SEMA5A: variants seen among roughly 807,000 people sequenced by gnomAD.
The protein encoded by SEMA5A is semaphorin-5A.
A neutral mutation model predicts 135.5 loss-of-function variants in SEMA5A; 55 were observed. That is an observed-to-expected ratio of 0.41 (90% confidence interval 0.33 to 0.51). The LOEUF (loss-of-function observed/expected upper bound fraction) is 0.51, where lower values mean the gene tolerates loss of function less well. Among genes scored for constraint, SEMA5A ranks in the 20% least tolerant of loss-of-function variants. SEMA5A has a pLI of 0.37. For synonymous variants in SEMA5A, 580 were observed against 546.5 expected (o/e 1.06, Z -0.85); for missense variants, 1,290 against 1,419.9 (o/e 0.91, Z 1.47).
intron 2 of SEMA5A, among the ~76,000 whole-genome samples, chr5:9,412,758 C>T (rs1020107201): frequency 2.6e-5 from 4 of 151,998 alleles, no homozygotes; most frequent in South Asian, 4.1e-4. Flanking sequence ...ATGCATGAAA[C>T]AATGTTTTGA....
chr5:9,229,076 C>T (rs1432462953), intron 6 of SEMA5A, among the ~76,000 whole-genome samples: 4 of 152,214 alleles, frequency 2.6e-5, no homozygotes, highest in Non-Finnish European at 5.9e-5. Context: ...CAGGTGCGAG[C>T]ACCACTCCTG....
intron 16 of SEMA5A, among the ~76,000 whole-genome samples, chr5:9,102,118 T>C (rs1739664049): frequency 6.6e-6 from 1 of 152,114 alleles, no homozygotes. Flanking sequence ...AAACACCAAA[T>C]ATGAATACAA....
At chr5:9,507,833 T>C (rs979765040) in intron 1 of SEMA5A, among the ~76,000 whole-genome samples, 2 of 151,844 alleles carry the variant, frequency 1.3e-5, no homozygotes, top group African/African-American at 4.8e-5. Context: ...TGAAACCCCG[T>C]CTCTTCTAAA....
intron 1 of SEMA5A, among the ~76,000 whole-genome samples, chr5:9,537,958 A>G (rs1053939493): frequency 1.3e-5 from 2 of 152,224 alleles, no homozygotes; most frequent in African/African-American, 4.8e-5. Context: ...AAACACTCCC[A>G]TGGAAAGCCA....
At chr5:9,390,965 AT>A (rs1756134291) in intron 2 of SEMA5A, 1 of 152,182 alleles carries the variant, frequency 6.6e-6, no homozygotes, top group African/African-American at 2.4e-5. Flanking sequence ...AGGAGGTCCC[AT>A]TTCCAAATGG....
chr5:9,210,487 T>C (rs1579621311), intron 8 of SEMA5A, among the ~76,000 whole-genome samples: 1 of 152,166 alleles, frequency 6.6e-6, no homozygotes, highest in East Asian at 1.9e-4. Context: ...GTCAAGAAAA[T>C]GCTCTCAACC....
chr5:9,259,694 T>A (rs194160), intron 5 of SEMA5A, among the ~76,000 whole-genome samples: 4 of 141,764 alleles, frequency 2.8e-5, no homozygotes, highest in African/African-American at 7.9e-5. Flanking sequence ...TTGAAACCAA[T>A]GAGAACAAAG....
chr5:9,074,594 C>G (rs2150088296), intron 16 of SEMA5A, among the ~76,000 whole-genome samples: 2 of 152,198 alleles, frequency 1.3e-5, no homozygotes, highest in Middle Eastern at 6.8e-3. Context: ...AATCATGTAT[C>G]TGATAAAAAG....
chr5:9,279,709 G>A (rs1750446315), intron 5 of SEMA5A, among the ~76,000 whole-genome samples: 1 of 151,968 alleles, frequency 6.6e-6, no homozygotes, highest in East Asian at 1.9e-4. Flanking sequence ...AGATCTGATG[G>A]TTTAACAACA....
chr5:9,484,027 G>C (rs1759982666), intron 1 of SEMA5A, among the ~76,000 whole-genome samples: 1 of 152,078 alleles, frequency 6.6e-6, no homozygotes, highest in Non-Finnish European at 1.5e-5. Context: ...AATCATATTC[G>C]GGAAGGCAGG....
At chr5:9,266,122 T>C (rs1382282043) in intron 5 of SEMA5A, among the ~76,000 whole-genome samples, 1 of 152,224 alleles carries the variant, frequency 6.6e-6, no homozygotes, top group African/African-American at 2.4e-5. Context: ...TGGTGCTACG[T>C]CTGCCTTGAG....
intron 21 of SEMA5A, among the ~76,000 whole-genome samples, chr5:9,048,439 C>T (rs207465535): frequency 6.6e-6 from 1 of 152,222 alleles, no homozygotes; most frequent in African/African-American, 2.4e-5. Flanking sequence ...CATCAGTCAT[C>T]TGGCATTAAA....
intron 12 of SEMA5A, among the ~76,000 whole-genome samples, chr5:9,144,365 AC>A (rs1481387790): frequency 3.3e-5 from 5 of 152,170 alleles, no homozygotes; most frequent in African/African-American, 1.2e-4. Context: ...TTTACTCAAA[AC>A]CTTAAAAGGG....
At chr5:9,076,203 C>CAAAAA (rs55743535) in intron 16 of SEMA5A, among the ~76,000 whole-genome samples, 6 of 89,870 alleles carry the variant, frequency 6.7e-5, no homozygotes, top group Non-Finnish European at 9.0e-5. Context: ...GACTCCATCT[C>CAAAAA]AAAAAAAAAA....
chr5:9,340,962 C>T (rs543407647), intron 3 of SEMA5A, among the ~76,000 whole-genome samples: 5 of 152,308 alleles, frequency 3.3e-5, no homozygotes, highest in African/African-American at 1.2e-4. Context: ...CTCATCTCTT[C>T]TTTCCCCTTT....
chr5:9,353,105 A>G (rs1156760879), intron 3 of SEMA5A, among the ~76,000 whole-genome samples: 11 of 34,172 alleles, frequency 3.2e-4, no homozygotes, highest in East Asian at 1.1e-3. Context: ...AAGGAAGGAA[A>G]GGAAAGGAAA....
chr5:9,445,886 G>A (rs1179678408), intron 1 of SEMA5A, among the ~76,000 whole-genome samples: 1 of 152,160 alleles, frequency 6.6e-6, no homozygotes, highest in Admixed American at 6.5e-5. Context: ...GTACAGAAGA[G>A]CAGGCACTTC....
At chr5:9,378,147 T>C (rs1334137608) in intron 3 of SEMA5A, among the ~76,000 whole-genome samples, 1 of 152,052 alleles carries the variant, frequency 6.6e-6, no homozygotes, top group African/African-American at 2.4e-5. Context: ...TTCATCCCCT[T>C]TGGATGACAA....
intron 2 of SEMA5A, among the ~76,000 whole-genome samples, chr5:9,430,484 C>T (rs554949126): frequency 2.0e-5 from 3 of 152,092 alleles, no homozygotes; most frequent in Non-Finnish European, 4.4e-5. Flanking sequence ...GAGACAAGGT[C>T]CAGACACTGA....
Sources: allele counts gnomAD v4.1 joint callset (sites outside exome capture counted in the v4.1 genomes callset), GRCh38; gene constraint gnomAD v4.1.1; transcripts MANE v1.5; gene names NCBI Gene and HGNC (gene_info 2026-07-23, HGNC 2026-07-21).